TLN2: variants seen among roughly 807,000 people sequenced by gnomAD.
TLN2 encodes the protein talin-2.
In TLN2, 118 loss-of-function variants were observed where a neutral mutation model predicts 294.7. The ratio of observed to expected loss-of-function variants is 0.40; its 90% CI spans 0.34 to 0.47. The LOEUF is 0.47. Among genes scored for constraint, TLN2 ranks in the 20% least tolerant of loss-of-function variants. TLN2 has a pLI of 0.84. For missense variants in TLN2, 3,083 were observed against 3,282.2 expected, an observed-to-expected ratio of 0.94 and a Z score of 1.48; for synonymous variants, 1,431 against 1,304.5, an observed-to-expected ratio of 1.10 and a Z score of -2.09.
intron 32 of TLN2, among the ~76,000 whole-genome samples, chr15:62,745,955 C>A (rs2061585441): frequency 6.6e-6 from 1 of 152,174 alleles, no homozygotes; most frequent in Non-Finnish European, 1.5e-5. Context: ...GCTGTGCTGG[C>A]ACTTTTGTGG....
chr15:62,752,865 C>T (rs2062013568), intron 35 of TLN2, among the ~76,000 whole-genome samples: 1 of 151,962 alleles, frequency 6.6e-6, no homozygotes. Flanking sequence ...CATTCCTTGC[C>T]CTTCTTTGAC....
intron 1 of TLN2, among the ~76,000 whole-genome samples, chr15:62,576,440 A>C (rs28543043): frequency 0.038 from 5,808 of 152,112 alleles, 350 homozygotes; most frequent in African/African-American, 0.13. Context: ...CCCCAAAGGC[A>C]CCTGCCAACC....
chr15:62,566,624 C>CTT lies in TLN2; in HGVS notation c.-237-23047_-237-23046dup, dbSNP rs757929282. 2.5e-3 allele frequency among the ~76,000 whole-genome samples: 337 copies of CTT among 135,522 alleles called. 4 individuals are homozygous for CTT. The highest frequency in any genetic ancestry group is 0.016 in the South Asian group (69 of 4,204). 88.9% of individuals were successfully genotyped at this position (135,522 alleles called of 152,430 possible). ...GCATTGAGTAGCCACAGAAACCTTCCTTTTTTTTTTTTTTTTTGAGATAGG... is the reference window on the plus strand; with the variant it reads ...GCATTGAGTAGCCACAGAAACCTTCCTTTTTTTTTTTTTTTTTTTGAGATAGG... On this transcript the variant is annotated intron_variant, in intron 1 of 58. Coordinates refer to ENST00000636159, the MANE Select transcript of TLN2 (RefSeq NM_015059.3).
Position 62,842,398 on chromosome 15 carries a change from A to G in TLN2, c.*1788A>G, listed in dbSNP as rs1258632542. ...TTGAGTGGAGCTGATCCAACACCTC[A>G]TGCCTGCCTTGGCCGGACACTGAGA... On this transcript the variant is annotated 3_prime_UTR_variant, in exon 59 of 59. Coordinates refer to ENST00000636159, the MANE Select transcript of TLN2 (RefSeq NM_015059.3). 1 of 152,200 alleles carries G rather than the reference A, an allele frequency of 6.6e-6. No homozygotes were observed. Among genetic ancestry groups the G allele is most frequent in the Admixed American group, 6.5e-5 (1 of 15,280 alleles). The allele number at this position is 152,200 out of a possible 1,614,324, so 9.4% of individuals were successfully genotyped here. A position where few individuals can be genotyped will look rare whatever the true frequency, so the allele number is the denominator to read the frequency against.
At position 62,521,930 on chromosome 15, in the gene TLN2, T is replaced by C. The variant is rs553574609; in HGVS notation, c.-237-67757T>C. On this transcript the variant is annotated intron_variant, in intron 1 of 58. Transcript: ENST00000636159. Reference sequence around the variant, plus strand: ...AGTCAGGTTGGAATTTGGTATCTTATTGCCGCAAAGAGTCTGTTTTGTCAG... The same window carrying C: ...AGTCAGGTTGGAATTTGGTATCTTACTGCCGCAAAGAGTCTGTTTTGTCAG... 1.6e-4 allele frequency among the ~76,000 whole-genome samples: 24 copies of C among 152,360 alleles called. No individual in the cohort carries two copies. The South Asian group carries it at 3.3e-3, about 21-fold the overall frequency.
intron 46 of TLN2, 107 bp downstream of exon 46, chr15:62,792,894 G>C: frequency 6.6e-7 from 1 of 1,511,504 alleles, no homozygotes; most frequent in Non-Finnish European, 8.9e-7. Flanking sequence ...TAACCCAGCT[G>C]ACTCAGCTGT....
intron 37 of TLN2, among the ~76,000 whole-genome samples, chr15:62,761,363 G>T (rs969849907): frequency 1.3e-5 from 2 of 152,208 alleles, no homozygotes; most frequent in African/African-American, 4.8e-5. Context: ...CCGCTGCATA[G>T]TCTGGTGCAG....
At chr15:62,507,216 A>T (rs2039668282) in intron 1 of TLN2, among the ~76,000 whole-genome samples, 1 of 152,188 alleles carries the variant, frequency 6.6e-6, no homozygotes, top group South Asian at 2.1e-4. Context: ...TTTACTTCTT[A>T]GGTGTTGAAA....
Position 62,647,423 on chromosome 15 carries a change from T to A in TLN2, c.113T>A (p.Val38Glu). Reference protein sequence around the residue: ...YDACRVIRERVPEAQTGQASD... With the variant: ...YDACRVIREREPEAQTGQASD... ...GCGTGTCGAGTCATTCGGGAACGGG[T>A]GCCTGAGGCACAAACTGGGCAAGGT... Residue 38 changes from valine to glutamate, a missense_variant, in exon 4 of 59, where the codon GTG becomes GAG. Transcript: ENST00000636159. 1 of 1,614,188 alleles carries A rather than the reference T, an allele frequency of 6.2e-7. No homozygotes were observed. The highest frequency in any genetic ancestry group is 8.5e-7 in the Non-Finnish European group (1 of 1,180,034).
chr15:62,579,086 G>C (rs968561638), intron 1 of TLN2, among the ~76,000 whole-genome samples: 1 of 152,166 alleles, frequency 6.6e-6, no homozygotes, highest in South Asian at 2.1e-4. Context: ...GTTGACAGGA[G>C]GAGGGAAACA....
In TLN2 at chr15:62,398,487, T is replaced by G. The variant is rs148449094; in HGVS notation, c.-238+7802T>G. Among the ~76,000 whole-genome samples, 45 of 152,262 alleles carry G rather than the reference T, an allele frequency of 3.0e-4. 1 individual carries two copies. The East Asian group carries it at 6.2e-3, about 21-fold the overall frequency. ...ATACCTAAAAATGTGGAAGTGACAT[T>G]GGAACAGTTTGGAGGGCTCAGAAGA... On this transcript the variant is annotated intron_variant, in intron 1 of 58. Coordinates refer to ENST00000636159, the MANE Select transcript of TLN2 (RefSeq NM_015059.3).
chr15:62,759,972 T>C (rs998145647), intron 37 of TLN2, among the ~76,000 whole-genome samples: 1 of 152,214 alleles, frequency 6.6e-6, no homozygotes. Flanking sequence ...ATATTAACAG[T>C]GCAACAAGAT....
intron 11 of TLN2, among the ~76,000 whole-genome samples, chr15:62,685,848 C>A (rs1469544592): frequency 6.6e-6 from 1 of 152,156 alleles, no homozygotes; most frequent in Non-Finnish European, 1.5e-5. Context: ...CTTCTGCTCT[C>A]CTCCCCCTGG....
At chr15:62,391,467 G>C (rs1007592548) in intron 1 of TLN2, among the ~76,000 whole-genome samples, 1 of 152,252 alleles carries the variant, frequency 6.6e-6, no homozygotes, top group Non-Finnish European at 1.5e-5. Context: ...AAGCTGGAGG[G>C]ACCTGGAGAC....
At chr15:62,723,695 C>G (rs545116834) in intron 26 of TLN2, among the ~76,000 whole-genome samples, 20 of 151,926 alleles carry the variant, frequency 1.3e-4, no homozygotes, top group Non-Finnish European at 2.9e-5. Context: ...TCATGTGCCA[C>G]CACATCCAAT....
chr15:62,528,282 C>T (rs540382207), intron 1 of TLN2, among the ~76,000 whole-genome samples: 1 of 152,254 alleles, frequency 6.6e-6, no homozygotes, highest in East Asian at 1.9e-4. Flanking sequence ...CTATGGTAGC[C>T]TCCAAGGACA....
chr15:62,602,018 A>C (rs1189778540), intron 2 of TLN2, among the ~76,000 whole-genome samples: 1 of 152,178 alleles, frequency 6.6e-6, no homozygotes, highest in Non-Finnish European at 1.5e-5. Context: ...TTCTTGCCTC[A>C]GACTGAGATC....
chr15:62,475,804 C>T (rs933192735), intron 1 of TLN2, among the ~76,000 whole-genome samples: 41 of 152,152 alleles, frequency 2.7e-4, no homozygotes, highest in African/African-American at 9.9e-4. Flanking sequence ...TGGTTAAGAT[C>T]TGGAACTGCA....
chr15:62,686,499 C>G (rs2057303692), intron 11 of TLN2, 142 bp from the exon 12 acceptor site: 6 of 917,884 alleles, frequency 6.5e-6, no homozygotes, highest in Non-Finnish European at 8.0e-6. Flanking sequence ...ATTCACCTAG[C>G]CTCAAAATCT....
Sources: allele counts gnomAD v4.1 joint callset (sites outside exome capture counted in the v4.1 genomes callset), GRCh38; gene constraint gnomAD v4.1.1; transcripts MANE v1.5; gene names NCBI Gene and HGNC (gene_info 2026-07-23, HGNC 2026-07-21).